Variants in ELAPOR1 observed in about 807,000 individuals in gnomAD.
ELAPOR1 encodes endosome/lysosome-associated apoptosis and autophagy regulator 1.
A neutral mutation model predicts 119.7 loss-of-function variants in ELAPOR1; 77 were observed. That is an observed-to-expected ratio of 0.64 (90% confidence interval 0.54 to 0.78). ELAPOR1 has a LOEUF of 0.78. Among genes scored for constraint, ELAPOR1 ranks in the 30% least tolerant of loss-of-function variants. The pLI is 0.00. For synonymous variants in ELAPOR1, 481 were observed against 487.2 expected (o/e 0.99, Z 0.17); for missense variants, 1,115 against 1,270.4 (o/e 0.88, Z 1.86).
At chr1:109,142,929 T>C (rs576893563) in intron 1 of ELAPOR1, among the ~76,000 whole-genome samples, 2 of 152,012 alleles carry the variant, frequency 1.3e-5, no homozygotes, top group African/African-American at 4.8e-5. Context: ...ATGGATAAAA[T>C]AAAATGTGGT....
At chr1:109,196,222 C>G (rs1047100436) in intron 15 of ELAPOR1, among the ~76,000 whole-genome samples, 1 of 152,154 alleles carries the variant, frequency 6.6e-6, no homozygotes, top group Admixed American at 6.5e-5. Context: ...GTGGTAAGGC[C>G]TTTACATCAT....
chr1:109,179,968 C>T (rs11102950), intron 7 of ELAPOR1, among the ~76,000 whole-genome samples: 70,346 of 151,858 alleles, frequency 0.46, 17,306 homozygotes, highest in African/African-American at 0.64. Context: ...ACTCTGGCTG[C>T]CATGCAGAGG....
intron 7 of ELAPOR1, among the ~76,000 whole-genome samples, chr1:109,174,266 C>T (rs1652105754): frequency 6.6e-6 from 1 of 151,220 alleles, no homozygotes; most frequent in South Asian, 2.1e-4. Context: ...ATCCTCCTGC[C>T]TCAGCCTCTC....
rs537034115 is a variant in ELAPOR1 at position 109,205,450 on chromosome 1, T to G, written c.*2438T>G. ...GTGTTGGTGACGGCAGGGAGTCCCT[T>G]TGGTTTAATAAATCCAGTTTTTCTT... is the stretch of plus-strand genomic sequence containing the variant. On this transcript the variant is annotated 3_prime_UTR_variant, in exon 22 of 22. Transcript: ENST00000369939. The G allele has an allele frequency of 4.6e-5, 7 of 152,354 alleles. No homozygotes were observed. The highest frequency in any genetic ancestry group is 1.7e-4 in the African/African-American group (7 of 41,578). The allele number at this position is 152,354 out of a possible 1,614,324, so 9.4% of individuals were successfully genotyped here.
chr1:109,150,125 C>G (rs981055522), intron 1 of ELAPOR1, among the ~76,000 whole-genome samples: 1 of 152,226 alleles, frequency 6.6e-6, no homozygotes, highest in South Asian at 2.1e-4. Flanking sequence ...GACTGGACAA[C>G]GTGGTCAAGG....
rs1654292296 is a variant in ELAPOR1 at position 109,203,304 on chromosome 1, T to G, written c.*292T>G. ...CCATAGCTTCGTCTGCTCATAATTC[T>G]TATAGCTTTGGAATGAAAATATTTC... On this transcript the variant is annotated 3_prime_UTR_variant, in exon 22 of 22. Coordinates refer to ENST00000369939, the MANE Select transcript of ELAPOR1 (RefSeq NM_020775.5). 2 of 400,962 alleles carry G rather than the reference T, an allele frequency of 5.0e-6. No homozygotes were observed. The highest frequency in any genetic ancestry group is 9.0e-6 in the Non-Finnish European group (2 of 222,666). 24.8% of individuals were successfully genotyped at this position (400,962 alleles called of 1,614,324 possible).
rs1450569201 is a variant in ELAPOR1 at position 109,197,650 on chromosome 1, T to A, written c.2298T>A (p.Leu766=). ...SSQPVSLADR[L]IGVTTDMTLD... ...AGCCTGTCAGCCTTGCTGATCGACT[T>A]ATTGGTGAGTAACTCCGCTGCCTCA... The change falls in exon 16 of 22, where the codon CTT becomes CTA. Residue 766 remains leucine, a synonymous_variant. Coordinates refer to ENST00000369939, the MANE Select transcript of ELAPOR1 (RefSeq NM_020775.5). 1 of 1,613,562 alleles carries A rather than the reference T, an allele frequency of 6.2e-7. No individual in the cohort carries two copies. Among genetic ancestry groups the A allele is most frequent in the Non-Finnish European group, 8.5e-7 (1 of 1,179,720 alleles).
At chr1:109,178,874 A>G (rs192455563) in intron 7 of ELAPOR1, among the ~76,000 whole-genome samples, 1 of 152,184 alleles carries the variant, frequency 6.6e-6, no homozygotes, top group Admixed American at 6.5e-5. Flanking sequence ...CTGAGGCAGA[A>G]GAATCACTTG....
chr1:109,181,101 A>G (rs1652666791), intron 7 of ELAPOR1, among the ~76,000 whole-genome samples: 2 of 152,208 alleles, frequency 1.3e-5, no homozygotes, highest in Admixed American at 6.5e-5. Flanking sequence ...GCATTTACCG[A>G]GGAAGAAAGA....
intron 1 of ELAPOR1, among the ~76,000 whole-genome samples, chr1:109,154,736 T>C (rs1650762653): frequency 6.6e-6 from 1 of 152,240 alleles, no homozygotes; most frequent in African/African-American, 2.4e-5. Context: ...CCTTGGAGTG[T>C]TCTGACCAGT....
At chr1:109,149,000 G>A (rs539654599) in intron 1 of ELAPOR1, among the ~76,000 whole-genome samples, 7 of 152,294 alleles carry the variant, frequency 4.6e-5, no homozygotes, top group South Asian at 4.1e-4. Context: ...GGGACTGGCC[G>A]CAGTTACAGA....
At chr1:109,153,616 GTGTTTTGTTT>G (rs201426802) in intron 1 of ELAPOR1, among the ~76,000 whole-genome samples, 3,578 of 148,444 alleles carry the variant, frequency 0.024, 63 homozygotes, top group South Asian at 0.046. Context: ...CTTGTGGCAG[GTGTTTTGTTT>G]TGTTTTGTTT....
intron 1 of ELAPOR1, among the ~76,000 whole-genome samples, chr1:109,144,694 A>G (rs1408364623): frequency 6.6e-6 from 1 of 152,132 alleles, no homozygotes; most frequent in African/African-American, 2.4e-5. Flanking sequence ...GTGAGCCCAG[A>G]TCGTGCCACT....
At chr1:109,121,156 T>C (rs889522019) in intron 1 of ELAPOR1, among the ~76,000 whole-genome samples, 1 of 152,056 alleles carries the variant, frequency 6.6e-6, no homozygotes, top group African/African-American at 2.4e-5. Context: ...TTTTTTTCAA[T>C]TTTTTTTGAG....
chr1:109,194,781 C>T (rs1366813486), intron 15 of ELAPOR1, among the ~76,000 whole-genome samples, 187 bp downstream of exon 15: 6 of 152,296 alleles, frequency 3.9e-5, no homozygotes, highest in Non-Finnish European at 8.8e-5. Context: ...GGATTATAAA[C>T]ACTTAAGAAA....
At chr1:109,187,299 T>TG in intron 8 of ELAPOR1, 13 of 985,442 alleles carry the variant, frequency 1.3e-5, no homozygotes, top group Non-Finnish European at 1.6e-5. Flanking sequence ...GGTTCAAGCC[T>TG]GGGGCTCTGG....
chr1:109,200,106 T>C lies in ELAPOR1; in HGVS notation c.2676T>C (p.Ile892=). The C allele has an allele frequency of 6.2e-7, 1 of 1,614,224 alleles. No homozygotes were observed. Among genetic ancestry groups the C allele is most frequent in the Non-Finnish European group, 8.5e-7 (1 of 1,180,034 alleles). The change falls in exon 20 of 22, where the codon ATT becomes ATC. Residue 892 remains isoleucine, a synonymous_variant. Transcript: ENST00000369939. ...AACCCAAGCTATGCTCTGGTGGCAT[T>C]TCTCTGCCTGAGCAGAGAGTCACCA... ...WREPKLCSGG[I]SLPEQRVTIC... is the part of the protein sequence containing the mutation.
chr1:109,147,603 A>G (rs1467613598), intron 1 of ELAPOR1, among the ~76,000 whole-genome samples: 2 of 152,080 alleles, frequency 1.3e-5, no homozygotes, highest in Admixed American at 1.3e-4. Context: ...AATGTAAGCC[A>G]CGAACTCTGA....
intron 1 of ELAPOR1, among the ~76,000 whole-genome samples, chr1:109,144,387 G>A (rs865957912): frequency 6.6e-6 from 1 of 151,988 alleles, no homozygotes; most frequent in African/African-American, 2.4e-5. Flanking sequence ...AGAGTAGATT[G>A]AAGAGTTCTG....
Sources: gnomAD v4.1 joint callset for allele counts (sites outside exome capture counted in the v4.1 genomes callset) on GRCh38, gnomAD v4.1.1 for gene constraint, MANE v1.5 for transcripts, NCBI Gene and HGNC (gene_info 2026-07-23, HGNC 2026-07-21) for gene names.